Variants in TMEM232 observed in about 807,000 individuals in gnomAD.
The protein encoded by TMEM232 is transmembrane protein 232.
In TMEM232, 80 loss-of-function variants were observed where a neutral mutation model predicts 78.8. That is an observed-to-expected ratio of 1.01 (90% confidence interval 0.85 to 1.22). TMEM232 has a LOEUF of 1.22. Ranked by LOEUF, TMEM232 falls within the 50% of genes most tolerant of loss-of-function variation. TMEM232 has a pLI of 0.00. For synonymous variants in TMEM232, 297 were observed against 254.3 expected, an observed-to-expected ratio of 1.17 and a Z score of -1.60; for missense variants, 881 against 742.2, an observed-to-expected ratio of 1.19 and a Z score of -2.17.
chr5:110,500,288 CAAAAAAA>C (rs773716425), intron 12 of TMEM232, among the ~76,000 whole-genome samples: 1 of 70,700 alleles, frequency 1.4e-5, no homozygotes, highest in Middle Eastern at 9.1e-3. Context: ...GACTCTGTCT[CAAAAAAA>C]AAAAAAAAAA....
Position 110,700,786 on chromosome 5 carries a change from G to GTAGATAGATAGATAGA in TMEM232, c.-13+25825_-13+25840dup, listed in dbSNP as rs34938658. Among the ~76,000 whole-genome samples the GTAGATAGATAGATAGA allele has an allele frequency of 9.4e-3, 1,346 of 142,586 alleles. 11 individuals are homozygous for GTAGATAGATAGATAGA. Among genetic ancestry groups the GTAGATAGATAGATAGA allele is most frequent in the Middle Eastern group, 0.014 (4 of 282 alleles). The allele number at this position is 142,586 out of a possible 152,430, so 93.5% of individuals were successfully genotyped here. A position where few individuals can be genotyped will look rare whatever the true frequency, so the allele number is the denominator to read the frequency against. On this transcript the variant is annotated intron_variant, in intron 1 of 13. Coordinates refer to ENST00000455884, the MANE Select transcript of TMEM232 (RefSeq NM_001039763.4). ...GGTAGGTAGGTAGATAGATAGATAG[G>GTAGATAGATAGATAGA]TAGATAGATAGATAGATAGATAGAT...
chr5:110,569,404 T>C (rs1020351162), intron 10 of TMEM232, among the ~76,000 whole-genome samples: 1 of 151,864 alleles, frequency 6.6e-6, no homozygotes, highest in Non-Finnish European at 1.5e-5. Context: ...TAGGTAGATT[T>C]GGGAGAAATA....
intron 8 of TMEM232, among the ~76,000 whole-genome samples, chr5:110,611,021 A>T (rs1484741741): frequency 1.3e-5 from 2 of 152,142 alleles, no homozygotes; most frequent in African/African-American, 2.4e-5. Flanking sequence ...GCAGGTGAGT[A>T]GAAGAAAAAT....
intron 2 of TMEM232, among the ~76,000 whole-genome samples, chr5:110,659,902 A>G (rs1374540008): frequency 1.3e-5 from 2 of 152,156 alleles, no homozygotes; most frequent in African/African-American, 2.4e-5. Flanking sequence ...AATGGAGAAT[A>G]AAGAGTAAAA....
At chr5:110,402,784 C>A (rs1755651020) in intron 2 of TMEM232, among the ~76,000 whole-genome samples, 1 of 152,060 alleles carries the variant, frequency 6.6e-6, no homozygotes, top group Admixed American at 6.6e-5. Flanking sequence ...ATGAATGACA[C>A]TTGTCCCTAG....
At chr5:110,724,872 C>A (rs1308908864) in intron 1 of TMEM232, among the ~76,000 whole-genome samples, 1 of 151,728 alleles carries the variant, frequency 6.6e-6, no homozygotes, top group East Asian at 1.9e-4. Flanking sequence ...AACAAAAAAA[C>A]TTGCCATGTT....
chr5:110,448,622 A>G (rs577234537), intron 12 of TMEM232, among the ~76,000 whole-genome samples: 2 of 152,166 alleles, frequency 1.3e-5, no homozygotes, highest in East Asian at 3.9e-4. Flanking sequence ...GTCTTAACAT[A>G]TATATTATAG....
intron 10 of TMEM232, among the ~76,000 whole-genome samples, chr5:110,574,648 T>C (rs6877883): frequency 0.035 from 5,327 of 152,030 alleles, 135 homozygotes; most frequent in African/African-American, 0.069. Flanking sequence ...CCCCCAAAAA[T>C]TGTAAATTGC....
intron 10 of TMEM232, among the ~76,000 whole-genome samples, chr5:110,597,451 T>C (rs922988609): frequency 1.3e-5 from 2 of 152,102 alleles, no homozygotes; most frequent in Non-Finnish European, 1.5e-5. Context: ...AGGTAATTTA[T>C]AGATTCAATG....
intron 12 of TMEM232, among the ~76,000 whole-genome samples, chr5:110,462,747 ATCTATCCTATTAGT>A (rs948482236): frequency 5.3e-5 from 8 of 152,140 alleles, no homozygotes; most frequent in African/African-American, 1.9e-4. Flanking sequence ...TTATATATAC[ATCTATCCTATTAGT>A]TCTGTCCCTC....
chr5:110,461,370 G>T (rs910316003), intron 12 of TMEM232, among the ~76,000 whole-genome samples: 2 of 152,146 alleles, frequency 1.3e-5, no homozygotes, highest in African/African-American at 4.8e-5. Flanking sequence ...TCAGTTCTAT[G>T]AAGACTGAGA....
chr5:110,684,481 T>C (rs547631126), intron 1 of TMEM232, among the ~76,000 whole-genome samples: 2 of 152,032 alleles, frequency 1.3e-5, no homozygotes, highest in African/African-American at 4.8e-5. Flanking sequence ...ATCCAAGATA[T>C]TATAGATTAA....
intron 2 of TMEM232, among the ~76,000 whole-genome samples, chr5:110,400,014 C>G (rs1231569272): frequency 6.6e-6 from 1 of 152,276 alleles, no homozygotes; most frequent in East Asian, 1.9e-4. Context: ...ACTCCTTGCT[C>G]TTAAGTTCCT....
At chr5:110,619,187 T>C (rs1783326793) in intron 7 of TMEM232, among the ~76,000 whole-genome samples, 1 of 152,172 alleles carries the variant, frequency 6.6e-6, no homozygotes, top group Non-Finnish European at 1.5e-5. Flanking sequence ...AAGATTCAAA[T>C]ACACATCCTG....
chr5:110,647,596 T>C (rs1473283762), intron 2 of TMEM232, among the ~76,000 whole-genome samples: 1 of 152,000 alleles, frequency 6.6e-6, no homozygotes, highest in African/African-American at 2.4e-5. Context: ...TTAAAGAATT[T>C]TTAAAATATT....
chr5:110,539,973 G>A (rs1212125715), intron 11 of TMEM232, among the ~76,000 whole-genome samples: 1 of 152,114 alleles, frequency 6.6e-6, no homozygotes, highest in Non-Finnish European at 1.5e-5. Context: ...TGCAGAATAT[G>A]GGCACCAAAT....
chr5:110,729,252 T>C (rs1201515807), upstream of TMEM232, among the ~76,000 whole-genome samples: 2 of 152,228 alleles, frequency 1.3e-5, no homozygotes. Flanking sequence ...TTAAGTTTCC[T>C]AAACATATCA....
intron 10 of TMEM232, among the ~76,000 whole-genome samples, chr5:110,581,842 G>T (rs1778240295): frequency 6.6e-6 from 1 of 151,406 alleles, no homozygotes; most frequent in Non-Finnish European, 1.5e-5. Context: ...TAAAAAAAAT[G>T]GGCAAGGACA....
rs2150130256 is a variant in TMEM232 at position 110,667,326 on chromosome 5, A to G, written c.27T>C (p.Pro9=). 1 of 1,532,500 alleles carries G rather than the reference A, an allele frequency of 6.5e-7. No individual in the cohort carries two copies. Among genetic ancestry groups the G allele is most frequent in the South Asian group, 1.2e-5 (1 of 81,300 alleles). The allele number at this position is 1,532,500 out of a possible 1,614,324, so 94.9% of individuals were successfully genotyped here. MNMPVNKS[P]MINTCGGISS... ...ATATGCCTCCACATGTATTAATCATAGGTGATTTGTTAACAGGCATATTCA... is the reference window on the plus strand; with the variant it reads ...ATATGCCTCCACATGTATTAATCATGGGTGATTTGTTAACAGGCATATTCA... The change falls in exon 2 of 14, where the codon CCT becomes CCC. Residue 9 remains proline, a synonymous_variant. Transcript: ENST00000455884.
Sources: allele counts gnomAD v4.1 joint callset (sites outside exome capture counted in the v4.1 genomes callset), GRCh38; gene constraint gnomAD v4.1.1; transcripts MANE v1.5; gene names NCBI Gene and HGNC (gene_info 2026-07-23, HGNC 2026-07-21).